ARID2: variants seen among roughly 807,000 people sequenced by gnomAD.
ARID2 encodes AT-rich interactive domain-containing protein 2.
In ARID2, 32 loss-of-function variants were observed where a neutral mutation model predicts 184.6. The observed-to-expected ratio is 0.17, with a 90% CI of 0.13 to 0.23. The LOEUF (loss-of-function observed/expected upper bound fraction) is 0.23. Among genes scored for constraint, ARID2 ranks in the 10% least tolerant of loss-of-function variants. ARID2 has a pLI of 1.00. For synonymous variants in ARID2, 836 were observed against 772.6 expected, an observed-to-expected ratio of 1.08 and a Z score of -1.36; for missense variants, 1,696 against 2,197.6, an observed-to-expected ratio of 0.77 and a Z score of 4.56.
intron 3 of ARID2, among the ~76,000 whole-genome samples, chr12:45,754,696 A>C (rs1480743869): frequency 6.6e-6 from 1 of 152,168 alleles, no homozygotes; most frequent in Non-Finnish European, 1.5e-5. Context: ...TTATATCTCT[A>C]TTACAAACAC....
chr12:45,735,645 A>T (rs1014381277), intron 3 of ARID2, among the ~76,000 whole-genome samples: 1 of 151,788 alleles, frequency 6.6e-6, no homozygotes, highest in Non-Finnish European at 1.5e-5. Context: ...AAAACAAAAA[A>T]CCTGATTTTG....
At chr12:45,731,364 A>G (rs1398681496) in intron 3 of ARID2, 50 bp downstream of exon 3, 2 of 1,387,614 alleles carry the variant, frequency 1.4e-6, no homozygotes, top group Admixed American at 1.7e-5. Context: ...GGACTTATGG[A>G]GAGATTTGTT....
At chr12:45,807,081 A>G (rs1397094542) in intron 3 of ARID2, among the ~76,000 whole-genome samples, 1 of 152,320 alleles carries the variant, frequency 6.6e-6, no homozygotes, top group Middle Eastern at 3.4e-3. Context: ...CCACCAGACC[A>G]TATTACTTTC....
rs1338032771 is a variant in ARID2 at position 45,905,529 on chromosome 12, A to G, written c.*451A>G. On this transcript the variant is annotated 3_prime_UTR_variant, in exon 21 of 21. Transcript: ENST00000334344. ...TTTAAGCTGGTTTGAATAATTTAAA[A>G]AAGTTTCAGCACACCTATACCCCCG... 4.3e-6 allele frequency: 1 copy of G among 233,382 alleles called. No individual in the cohort carries two copies. Among genetic ancestry groups the G allele is most frequent in the East Asian group, 6.1e-5 (1 of 16,504 alleles). The allele number at this position is 233,382 out of a possible 1,614,324, so 14.5% of individuals were successfully genotyped here. A position where few individuals can be genotyped will look rare whatever the true frequency, so the allele number is the denominator to read the frequency against.
rs1029068942 is a variant in ARID2, at chr12:45,908,031, A to T, written c.*2953A>T. 7 of 218,824 alleles carry T rather than the reference A, an allele frequency of 3.2e-5. No homozygotes were observed. The highest frequency in any genetic ancestry group is 2.3e-4 in the Admixed American group (4 of 17,288). The allele number at this position is 218,824 out of a possible 1,614,324, so 13.6% of individuals were successfully genotyped here. The stretch of plus-strand genomic sequence containing the variant: ...ATGAAATGACAATAAAATGATTTTT[A>T]AAATGAGAATGTTTTGGATAAGTGA... On this transcript the variant is annotated 3_prime_UTR_variant, in exon 21 of 21. Coordinates refer to ENST00000334344, the MANE Select transcript of ARID2 (RefSeq NM_152641.4).
At chr12:45,775,093 A>C (rs183262651) in intron 3 of ARID2, among the ~76,000 whole-genome samples, 50 of 152,304 alleles carry the variant, frequency 3.3e-4, no homozygotes, top group African/African-American at 1.2e-3. Context: ...GCTGAGGATG[A>C]GAAACCCTGG....
chr12:45,827,620 T>C (rs575447883), intron 6 of ARID2, among the ~76,000 whole-genome samples: 1 of 152,174 alleles, frequency 6.6e-6, no homozygotes, highest in African/African-American at 2.4e-5. Context: ...TTATAAGACA[T>C]GTGAGTGTAT....
intron 3 of ARID2, among the ~76,000 whole-genome samples, chr12:45,738,019 T>C (rs988910568): frequency 6.6e-6 from 1 of 152,218 alleles, no homozygotes; most frequent in Non-Finnish European, 1.5e-5. Flanking sequence ...TTAAAAAAAT[T>C]AATTAAAAAT....
At chr12:45,885,397 T>G (rs1443533962) in intron 16 of ARID2, among the ~76,000 whole-genome samples, 1 of 152,262 alleles carries the variant, frequency 6.6e-6, no homozygotes, top group African/African-American at 2.4e-5. Context: ...ATGTGCCATC[T>G]TTTTAACTAG....
chr12:45,855,090 G>C (rs957114419), intron 15 of ARID2, among the ~76,000 whole-genome samples: 1 of 152,110 alleles, frequency 6.6e-6, no homozygotes, highest in African/African-American at 2.4e-5. Context: ...GATTATTTGA[G>C]CTGTTGTGTT....
chr12:45,882,918 C>CTAA (rs1449442532), intron 16 of ARID2, among the ~76,000 whole-genome samples: 3 of 152,158 alleles, frequency 2.0e-5, no homozygotes, highest in Non-Finnish European at 2.9e-5. Flanking sequence ...ATGAAGTTTA[C>CTAA]CTAGCTTGAT....
At chr12:45,746,604 A>G (rs183791709) in intron 3 of ARID2, among the ~76,000 whole-genome samples, 2 of 152,126 alleles carry the variant, frequency 1.3e-5, no homozygotes, top group Non-Finnish European at 2.9e-5. Context: ...TTTAGCTAAC[A>G]TTTATTTAAT....
intron 20 of ARID2, among the ~76,000 whole-genome samples, chr12:45,899,413 G>A (rs1347048375): frequency 5.4e-5 from 8 of 148,494 alleles, no homozygotes; most frequent in Non-Finnish European, 1.0e-4. Flanking sequence ...GACCATCCTG[G>A]CTAACACAGT....
At chr12:45,870,151 A>C (rs949829308) in intron 16 of ARID2, among the ~76,000 whole-genome samples, 2 of 151,654 alleles carry the variant, frequency 1.3e-5, no homozygotes, top group African/African-American at 4.8e-5. Flanking sequence ...ATGCCCTGCT[A>C]ACTTTTTTTG....
In ARID2 at chr12:45,905,387, C is replaced by G. The variant is rs1276366828; in HGVS notation, c.*309C>G. 3.8e-6 allele frequency: 1 copy of G among 263,056 alleles called. No homozygotes were observed. Among genetic ancestry groups the G allele is most frequent in the Admixed American group, 5.1e-5 (1 of 19,430 alleles). The allele number at this position is 263,056 out of a possible 1,614,324, so 16.3% of individuals were successfully genotyped here. ...AACTGGTATGATCAGAATTCAGTAC[C>G]ATCCACATTGGAATATACATGGAAT... On this transcript the variant is annotated 3_prime_UTR_variant, in exon 21 of 21. Transcript: ENST00000334344.
At chr12:45,881,124 GC>G in intron 16 of ARID2, 1 of 154,894 alleles carries the variant, frequency 6.5e-6, no homozygotes, top group Non-Finnish European at 1.4e-5. Context: ...TTGCAGTCAT[GC>G]TAGGGGGGCA....
chr12:45,839,111 G>T (rs543223449), intron 10 of ARID2, among the ~76,000 whole-genome samples: 2 of 151,356 alleles, frequency 1.3e-5, no homozygotes, highest in South Asian at 2.1e-4. Context: ...TGATCCGCCC[G>T]CCTCCGCCTC....
chr12:45,780,641 G>T (rs776201855), intron 3 of ARID2, among the ~76,000 whole-genome samples: 2 of 151,826 alleles, frequency 1.3e-5, no homozygotes, highest in Non-Finnish European at 2.9e-5. Flanking sequence ...TTTTGGAGAC[G>T]GAGTCTTGCT....
intron 3 of ARID2, chr12:45,789,772 C>T (rs1295011891): frequency 2.6e-5 from 4 of 151,992 alleles, no homozygotes; most frequent in Non-Finnish European, 4.4e-5. Flanking sequence ...GAAATTGAAC[C>T]TTTTATCATT....
Sources: allele counts gnomAD v4.1 joint callset (sites outside exome capture counted in the v4.1 genomes callset), GRCh38; gene constraint gnomAD v4.1.1; transcripts MANE v1.5; gene names NCBI Gene and HGNC (gene_info 2026-07-23, HGNC 2026-07-21).